The following ITPR3 variants were observed in gnomAD, a reference collection of about 807,000 sequenced individuals.
ITPR3 encodes inositol 1,4,5-trisphosphate receptor type 3.
In ITPR3, 173 loss-of-function variants were observed where a neutral mutation model predicts 293.2. The observed-to-expected ratio is 0.59, with a 90% CI of 0.52 to 0.67. The LOEUF (loss-of-function observed/expected upper bound fraction) is 0.67, where lower values mean the gene tolerates loss of function less well. ITPR3 is among the 30% of genes least tolerant of loss of function. ITPR3 has a pLI of 0.00. For missense variants in ITPR3, 2,796 were observed against 3,592.1 expected (o/e 0.78, Z 5.66); for synonymous variants, 1,295 against 1,444.4 (o/e 0.90, Z 2.35).
At chr6:33,661,431 G>A (rs920941831) in intron 7 of ITPR3, among the ~76,000 whole-genome samples, 1 of 152,194 alleles carries the variant, frequency 6.6e-6, no homozygotes, top group African/African-American at 2.4e-5. Context: ...CCCTCGGCAG[G>A]ATACTTACCT....
Position 33,691,697 on chromosome 6 carries a change from C to G in ITPR3, c.7308C>G (p.Leu2436=), listed in dbSNP as rs1765396203. The G allele has an allele frequency of 6.2e-7, 1 of 1,614,062 alleles. No homozygotes were observed. Among genetic ancestry groups the G allele is most frequent in the African/African-American group, 1.3e-5 (1 of 75,010 alleles). The change falls in exon 53 of 58, where the codon CTC becomes CTG. Residue 2436 remains leucine, a synonymous_variant. Transcript: ENST00000605930. This position sits in a 1 kb window ranked among gnomAD's most constrained non-coding sequence, Gnocchi z 4.9. ...ACAAGATGGACTGTGTCTCAGGGCTCTCGGTGCCTGAGGTCCTGGAAGGTG... is the reference window on the plus strand; with the variant it reads ...ACAAGATGGACTGTGTCTCAGGGCTGTCGGTGCCTGAGGTCCTGGAAGGTG... ...SGDKMDCVSG[L]SVPEVLEEDR...
chr6:33,652,465 A>G (rs530801080), intron 2 of ITPR3, among the ~76,000 whole-genome samples: 1 of 152,174 alleles, frequency 6.6e-6, no homozygotes, highest in Non-Finnish European at 1.5e-5. Flanking sequence ...CCATATTTTT[A>G]TTTTTTATTT....
intron 50 of ITPR3, 125 bp from the exon 51 acceptor site, chr6:33,689,909 C>T (rs927023623): frequency 1.5e-5 from 17 of 1,124,208 alleles, no homozygotes; most frequent in African/African-American, 6.2e-5. Context: ...CGCCTAGATG[C>T]GTTTCTGGAA....
rs1763714919 is a variant in ITPR3 at position 33,632,852 on chromosome 6, G to T, written c.90-7632G>T. ...ACAGGGCTCCTGTCCTCGGCACTCA[G>T]CGTGGTCGCAGGAGATCCCAGAGGG... is the stretch of plus-strand genomic sequence containing the variant. On this transcript the variant is annotated intron_variant, in intron 1 of 57. Transcript: ENST00000605930. This position sits in a 1 kb window ranked among gnomAD's most constrained non-coding sequence, Gnocchi z 4.1. Among the ~76,000 whole-genome samples, 1 of 152,212 alleles carries T rather than the reference G, an allele frequency of 6.6e-6. No homozygotes were observed. Among genetic ancestry groups the T allele is most frequent in the Non-Finnish European group, 1.5e-5 (1 of 68,028 alleles).
Position 33,689,254 on chromosome 6 carries a change from T to C in ITPR3, c.6711T>C (p.Pro2237=). 1 of 1,610,516 alleles carries C rather than the reference T, an allele frequency of 6.2e-7. No individual in the cohort carries two copies. Among genetic ancestry groups the C allele is most frequent in the Non-Finnish European group, 8.5e-7 (1 of 1,179,994 alleles). Residue 2237 remains proline, a synonymous_variant, in exon 50 of 58, where the codon CCT becomes CCC. Coordinates refer to ENST00000605930, the MANE Select transcript of ITPR3 (RefSeq NM_002224.4). ...EGASTGVLDS[P]LISLLFWILI... ...GGCCCCCAGGCGTGCTGGACTCCCC[T>C]CTCATCTCATTGCTCTTCTGGATCC...
At position 33,640,551 on chromosome 6, in the gene ITPR3, C is replaced by T. The variant is rs773773160; in HGVS notation, c.157C>T (p.Arg53Cys). 19 of 1,612,166 alleles carry T rather than the reference C, an allele frequency of 1.2e-5. No homozygotes were observed. Among genetic ancestry groups the T allele is most frequent in the Middle Eastern group, 1.7e-4 (1 of 6,046 alleles). ...CCTGGACAACCCCCCTAAGAAGTTCCGTGGTAAGACCTCCGCTTCCTCTGC... is the reference window on the plus strand; with the variant it reads ...CCTGGACAACCCCCCTAAGAAGTTCTGTGGTAAGACCTCCGCTTCCTCTGC... ...GDLDNPPKKF[R>C]DCLFKVCPMN... is the part of the protein sequence containing the mutation. Residue 53 changes from arginine to cysteine, a missense_variant, in exon 2 of 58, where the codon CGT (arginine) becomes TGT (cysteine). By Grantham distance (180) the Arg-to-Cys change is radical. Transcript: ENST00000605930.
chr6:33,670,702 G>C lies in ITPR3; in HGVS notation c.2473G>C (p.Asp825His), dbSNP rs368516873. Reference protein sequence around the residue: ...YDSNLNASRDDKKNKFANTME... With the variant: ...YDSNLNASRDHKKNKFANTME... ...TTCCAACCTCAACGCGTCCCGAGAT[G>C]ACAAGAAGAACAAGTTTGCCAACAC... Residue 825 changes from aspartate (D) to histidine (H), a missense_variant, in exon 20 of 58, where the codon GAC (aspartate) becomes CAC (histidine). Asp to His is a moderately conservative substitution (Grantham distance 81). Coordinates refer to ENST00000605930, the MANE Select transcript of ITPR3 (RefSeq NM_002224.4). This position sits in a 1 kb window ranked among gnomAD's most constrained non-coding sequence, Gnocchi z 6.7. 89 of 1,614,154 alleles carry C rather than the reference G, an allele frequency of 5.5e-5. No homozygotes were observed. In the African/African-American group the frequency reaches 1.1e-3, roughly 21 times the overall value.
intron 3 of ITPR3, among the ~76,000 whole-genome samples, chr6:33,656,572 C>A (rs1228989518): frequency 6.6e-6 from 1 of 152,220 alleles, no homozygotes; most frequent in Non-Finnish European, 1.5e-5. Context: ...AGGTCTCTGA[C>A]TCACCCTGGC....
At chr6:33,650,693 T>C (rs1177288779) in intron 2 of ITPR3, among the ~76,000 whole-genome samples, 2 of 152,202 alleles carry the variant, frequency 1.3e-5, no homozygotes, top group Non-Finnish European at 2.9e-5. Context: ...TAAATTTTGG[T>C]TATTGAAGCT....
In ITPR3 at chr6:33,633,764, C is replaced by G. The variant is rs1202024897; in HGVS notation, c.90-6720C>G. On this transcript the variant is annotated intron_variant, in intron 1 of 57. Coordinates refer to ENST00000605930, the MANE Select transcript of ITPR3 (RefSeq NM_002224.4). The surrounding 1 kb of genome is among the most constrained non-coding windows in gnomAD (Gnocchi z 5.2). ...CTTCGCCGCGGGGGCGGGGGCGGGG[C>G]CGGGGCCGGGGCCGGACGCCCGGAG... 2.1e-5 allele frequency among the ~76,000 whole-genome samples: 3 copies of G among 142,090 alleles called. No homozygotes were observed. Among genetic ancestry groups the G allele is most frequent in the African/African-American group, 7.6e-5 (3 of 39,364 alleles). The allele number at this position is 142,090 out of a possible 152,430, so 93.2% of individuals were successfully genotyped here. A position where few individuals can be genotyped will look rare whatever the true frequency, so the allele number is the denominator to read the frequency against.
chr6:33,648,686 G>T (rs954252889), intron 2 of ITPR3, among the ~76,000 whole-genome samples: 3 of 151,936 alleles, frequency 2.0e-5, no homozygotes, highest in Admixed American at 2.0e-4. Flanking sequence ...GGACCTCCAG[G>T]GCTCAAGCAA....
chr6:33,687,287 CACGTGAAGTGG>C lies in ITPR3; in HGVS notation c.6138_6148del (p.Arg2047ProfsTer2). The stretch of plus-strand genomic sequence containing the variant: ...GAGCGTGAGAACTCGGAGGTGAGCC[CACGTGAAGTGG>C]GCCATAACATCTATATCCTGGCGCT... On this transcript the variant is annotated frameshift_variant, in exon 45 of 58. Transcript: ENST00000605930. LOFTEE classifies it high-confidence loss of function. The surrounding 1 kb of genome is among the most constrained non-coding windows in gnomAD (Gnocchi z 5.3). 6.2e-7 allele frequency: 1 copy of C among 1,613,432 alleles called. No homozygotes were observed. Among genetic ancestry groups the C allele is most frequent in the Non-Finnish European group, 8.5e-7 (1 of 1,179,620 alleles).
Position 33,667,653 on chromosome 6 carries a change from G to A in ITPR3, c.1714-139G>A, listed in dbSNP as rs113181611. ...AATGTAAGCCACTCTTCTGCCCAGC[G>A]ATGCTTCCTTTCCTGGACCTCTGCC... On this transcript the variant is annotated intron_variant, in intron 15 of 57. Transcript: ENST00000605930. The surrounding 1 kb of genome is among the most constrained non-coding windows in gnomAD (Gnocchi z 4.4). 1,224 of 924,186 alleles carry A rather than the reference G, an allele frequency of 1.3e-3. 8 individuals are homozygous for A. In the African/African-American group the frequency reaches 0.018, roughly 14 times the overall value. The allele number at this position is 924,186 out of a possible 1,614,324, so 57.2% of individuals were successfully genotyped here. A position where few individuals can be genotyped will look rare whatever the true frequency, so the allele number is the denominator to read the frequency against.
chr6:33,679,972 G>A lies in ITPR3; in HGVS notation c.4063G>A (p.Gly1355Ser), dbSNP rs537066535. ...LLDMMKAARD[G>S]VEDHSPLMYH... ...GGACATGATGAAGGCCGCCCGCGAC[G>A]GCGTGGAGGACCACAGCCCCCTCAT... Residue 1355 changes from glycine to serine, a missense_variant, in exon 31 of 58, where the codon GGC becomes AGC. Coordinates refer to ENST00000605930, the MANE Select transcript of ITPR3 (RefSeq NM_002224.4). This position sits in a 1 kb window ranked among gnomAD's most constrained non-coding sequence, Gnocchi z 4.2. 3.3e-5 allele frequency: 54 copies of A among 1,613,872 alleles called. No individual in the cohort carries two copies. The highest frequency in any genetic ancestry group is 3.3e-4 in the Middle Eastern group (2 of 6,062).
intron 1 of ITPR3, among the ~76,000 whole-genome samples, chr6:33,627,121 A>G (rs1763565554): frequency 3.3e-5 from 5 of 152,158 alleles, no homozygotes; most frequent in Admixed American, 3.3e-4. Context: ...CTTTCATTTA[A>G]TTGTGATTTC....
Position 33,678,705 on chromosome 6 carries a change from G to C in ITPR3, c.3838G>C (p.Glu1280Gln), listed in dbSNP as rs750400214. ...NNYQLCSEISEPVLQHFVHLL... is the reference protein window; with the variant it reads ...NNYQLCSEISQPVLQHFVHLL... ...CTATCAGCTCTGCTCCGAGATCAGC[G>C]AGCCTGTGTTGCAGCACTTCGTGCA... Residue 1280 changes from glutamate to glutamine, a missense_variant, in exon 30 of 58, where the codon GAG becomes CAG. By Grantham distance (29) the Glu-to-Gln change is conservative (BLOSUM62 2). Around this residue, in one of 8 missense-constraint regions of ITPR3, gnomAD observed 344 missense variants for 460.3 expected, o/e 0.75. Coordinates refer to ENST00000605930, the MANE Select transcript of ITPR3 (RefSeq NM_002224.4). 9 of 1,613,362 alleles carry C rather than the reference G, an allele frequency of 5.6e-6. No individual in the cohort carries two copies. The highest frequency in any genetic ancestry group is 6.8e-6 in the Non-Finnish European group (8 of 1,179,836).
In ITPR3 at chr6:33,666,984, G is replaced by A. The variant is rs1374325128; in HGVS notation, c.1552-145G>A. 2.1e-6 allele frequency: 2 copies of A among 951,904 alleles called. No individual in the cohort carries two copies. The highest frequency in any genetic ancestry group is 1.6e-6 in the Non-Finnish European group (1 of 629,714). 59.0% of individuals were successfully genotyped at this position (951,904 alleles called of 1,614,324 possible). A position where few individuals can be genotyped will look rare whatever the true frequency, so the allele number is the denominator to read the frequency against. On this transcript the variant is annotated intron_variant, in intron 14 of 57. Transcript: ENST00000605930. This position sits in a 1 kb window ranked among gnomAD's most constrained non-coding sequence, Gnocchi z 5.1. ...GGCTGAGGATGGCTGGGCTGGGGTT[G>A]TGGTCCAGCTTAGAATCAGCTCGAA... is the stretch of plus-strand genomic sequence containing the variant.
chr6:33,675,962 T>G lies in ITPR3; in HGVS notation c.3282+106T>G. The G allele has an allele frequency of 1.5e-6, 2 of 1,345,358 alleles. No homozygotes were observed. Among genetic ancestry groups the G allele is most frequent in the Non-Finnish European group, 2.0e-6 (2 of 1,012,412 alleles). The allele number at this position is 1,345,358 out of a possible 1,614,324, so 83.3% of individuals were successfully genotyped here. On this transcript the variant is annotated intron_variant, in intron 25 of 57. Transcript: ENST00000605930. The surrounding 1 kb of genome is among the most constrained non-coding windows in gnomAD (Gnocchi z 5.0). ...TCACAGCTCAAGGGGTAACTTGGGATGCCCATTTGGGGTTTTCAGCCTTGC... is the reference window on the plus strand; with the variant it reads ...TCACAGCTCAAGGGGTAACTTGGGAGGCCCATTTGGGGTTTTCAGCCTTGC...
In ITPR3 at chr6:33,680,050, G is replaced by A. The variant is rs749190847; in HGVS notation, c.4141G>A (p.Val1381Ile). 1.7e-5 allele frequency: 28 copies of A among 1,613,826 alleles called. No homozygotes were observed. The highest frequency in any genetic ancestry group is 2.3e-5 in the Non-Finnish European group (27 of 1,180,032). The change falls in exon 31 of 58, where the codon GTC becomes ATC. Residue 1381 changes from valine (V) to isoleucine (I), a missense_variant. This residue lies in a region of ITPR3 where 344 missense variants were observed against 460.3 expected (regional missense o/e 0.75). Transcript: ENST00000605930. ...GGCCGCCTGTGCCGAGGGCAAAAAC[G>A]TCTACACTGAGATCAAGTGCACCTC... ...LLAACAEGKNVYTEIKCTSLL... is the reference protein window; with the variant it reads ...LLAACAEGKNIYTEIKCTSLL...
Sources: allele counts gnomAD v4.1 joint callset (sites outside exome capture counted in the v4.1 genomes callset), GRCh38; gene constraint gnomAD v4.1.1; regional missense constraint gnomAD v4.1.1; non-coding constraint Gnocchi (gnomAD v3.1); transcripts MANE v1.5; gene names NCBI Gene and HGNC (gene_info 2026-07-23, HGNC 2026-07-21).